Variants in MACROD2 observed in about 807,000 individuals in gnomAD.
MACROD2 encodes the protein mono-ADP ribosylhydrolase 2, also known as ADP-ribose glycohydrolase MACROD2.
Under a neutral mutation model 70.4 loss-of-function variants are expected in MACROD2, and 36 were observed. The ratio of observed to expected loss-of-function variants is 0.51; its 90% confidence interval spans 0.39 to 0.68. MACROD2 has a LOEUF of 0.68. MACROD2 is among the 30% of genes least tolerant of loss of function. The pLI is 0.00. For synonymous variants in MACROD2, 172 were observed against 178.8 expected, an observed-to-expected ratio of 0.96 and a Z score of 0.30; for missense variants, 496 against 538.4, an observed-to-expected ratio of 0.92 and a Z score of 0.78.
intron 3 of MACROD2, among the ~76,000 whole-genome samples, chr20:14,398,094 G>T (rs565047622): frequency 6.6e-6 from 1 of 152,028 alleles, no homozygotes; most frequent in Non-Finnish European, 1.5e-5. Flanking sequence ...TATTATACTT[G>T]TGTGTGTGTG....
chr20:15,042,963 C>T (rs1228350897), intron 5 of MACROD2, among the ~76,000 whole-genome samples: 2 of 152,206 alleles, frequency 1.3e-5, no homozygotes, highest in East Asian at 3.9e-4. Context: ...TTAGGTGTTT[C>T]TTTCCCTTCC....
chr20:15,022,194 A>T (rs1358254258), intron 5 of MACROD2, among the ~76,000 whole-genome samples: 1 of 152,088 alleles, frequency 6.6e-6, no homozygotes, highest in Non-Finnish European at 1.5e-5. Context: ...AGCTATTATT[A>T]TTTGTTGCTG....
At chr20:14,136,246 G>T (rs898725197) in intron 3 of MACROD2, among the ~76,000 whole-genome samples, 1 of 151,938 alleles carries the variant, frequency 6.6e-6, no homozygotes, top group African/African-American at 2.4e-5. Flanking sequence ...ACTCAAAATG[G>T]ATCGTAGACT....
At chr20:14,396,920 A>G (rs2083586281) in intron 3 of MACROD2, among the ~76,000 whole-genome samples, 2 of 92,562 alleles carry the variant, frequency 2.2e-5, no homozygotes, top group Admixed American at 1.2e-4. Context: ...GCGAGACTCC[A>G]TCTCAAAAAA....
intron 3 of MACROD2, among the ~76,000 whole-genome samples, chr20:14,172,529 T>G (rs1002744309): frequency 6.6e-6 from 1 of 152,150 alleles, no homozygotes; most frequent in African/African-American, 2.4e-5. Context: ...GGTCTTAAAC[T>G]CCTGACCTCA....
intron 8 of MACROD2, among the ~76,000 whole-genome samples, chr20:15,747,041 G>T (rs2051194166): frequency 6.6e-6 from 1 of 152,074 alleles, no homozygotes; most frequent in African/African-American, 2.4e-5. Context: ...TAAACAAAAA[G>T]CTCCTTCTGT....
At chr20:15,949,571 A>G (rs573583564) in intron 12 of MACROD2, among the ~76,000 whole-genome samples, 28 of 152,318 alleles carry the variant, frequency 1.8e-4, no homozygotes, top group African/African-American at 6.7e-4. Context: ...GAAACACCTA[A>G]GAAATCTCTA....
intron 5 of MACROD2, among the ~76,000 whole-genome samples, chr20:15,129,508 TC>T (rs2123271534): frequency 6.6e-6 from 1 of 152,276 alleles, no homozygotes; most frequent in South Asian, 2.1e-4. Context: ...AACTTTTCTA[TC>T]CCTATTTTAA....
At chr20:14,957,841 G>A (rs904526125) in intron 5 of MACROD2, among the ~76,000 whole-genome samples, 5 of 151,458 alleles carry the variant, frequency 3.3e-5, no homozygotes, top group Admixed American at 3.3e-4. Flanking sequence ...TTTTACTTTG[G>A]TGTGTAATTT....
intron 8 of MACROD2, among the ~76,000 whole-genome samples, chr20:15,549,065 C>T (rs907288796): frequency 6.6e-6 from 1 of 152,162 alleles, no homozygotes. Flanking sequence ...TACAACTGGG[C>T]CCTGAATCCA....
At chr20:14,188,937 A>G (rs2081364806) in intron 3 of MACROD2, among the ~76,000 whole-genome samples, 1 of 152,148 alleles carries the variant, frequency 6.6e-6, no homozygotes, top group East Asian at 1.9e-4. Context: ...ATTTTATCCA[A>G]TTAAAGTGCT....
At chr20:14,132,329 C>T (rs1167218019) in intron 3 of MACROD2, among the ~76,000 whole-genome samples, 3 of 151,554 alleles carry the variant, frequency 2.0e-5, no homozygotes, top group Non-Finnish European at 2.9e-5. Flanking sequence ...CATACAGGCA[C>T]GAGCCACCAT....
chr20:14,096,740 G>A (rs907490053), intron 3 of MACROD2, among the ~76,000 whole-genome samples: 18 of 152,154 alleles, frequency 1.2e-4, no homozygotes, highest in African/African-American at 4.3e-4. Context: ...GAGCCATAGA[G>A]CTAAGAACAT....
intron 3 of MACROD2, among the ~76,000 whole-genome samples, chr20:14,360,645 G>A (rs1277537322): frequency 6.6e-6 from 1 of 152,120 alleles, no homozygotes; most frequent in Non-Finnish European, 1.5e-5. Flanking sequence ...GAGAGCAAAT[G>A]AATTATCATG....
At chr20:15,933,180 T>C (rs2147319294) in intron 10 of MACROD2, 96 bp from the exon 11 acceptor site, 1 of 1,203,172 alleles carries the variant, frequency 8.3e-7, no homozygotes, top group South Asian at 1.3e-5. Context: ...CATGCTACAT[T>C]GGTTACAATT....
At chr20:15,141,958 C>G (rs1287694747) in intron 5 of MACROD2, among the ~76,000 whole-genome samples, 1 of 152,160 alleles carries the variant, frequency 6.6e-6, no homozygotes, top group Non-Finnish European at 1.5e-5. Context: ...CTTGTGTTCT[C>G]CGCTTCTTTA....
intron 5 of MACROD2, among the ~76,000 whole-genome samples, chr20:14,733,181 T>A (rs1371283354): frequency 6.6e-6 from 1 of 152,204 alleles, no homozygotes; most frequent in Non-Finnish European, 1.5e-5. Context: ...CTTCTTGCAA[T>A]GGACTTTGGA....
intron 3 of MACROD2, among the ~76,000 whole-genome samples, chr20:14,426,307 A>AT (rs902532551): frequency 2.0e-5 from 3 of 150,792 alleles, no homozygotes; most frequent in Non-Finnish European, 3.0e-5. Flanking sequence ...TCCAAGACTT[A>AT]TTTTTTTTGT....
chr20:15,525,908 A>G (rs1482975767), intron 8 of MACROD2, among the ~76,000 whole-genome samples: 1 of 152,250 alleles, frequency 6.6e-6, no homozygotes, highest in Non-Finnish European at 1.5e-5. Context: ...ACTGGCTGCC[A>G]TGGCTGAGCA....
Sources: gnomAD v4.1 joint callset for allele counts (sites outside exome capture counted in the v4.1 genomes callset) on GRCh38, gnomAD v4.1.1 for gene constraint, MANE v1.5 for transcripts, NCBI Gene and HGNC (gene_info 2026-07-23, HGNC 2026-07-21) for gene names.